The following ARFGAP1 variants were observed in gnomAD, a reference collection of about 807,000 sequenced individuals.
The protein encoded by ARFGAP1 is ADP-ribosylation factor GTPase-activating protein 1.
A neutral mutation model predicts 54.0 loss-of-function variants in ARFGAP1; 26 were observed. The ratio of observed to expected loss-of-function variants is 0.48; its 90% CI spans 0.35 to 0.67. The LOEUF is 0.67. Among genes scored for constraint, ARFGAP1 ranks in the 30% least tolerant of loss-of-function variants. The pLI, the probability that ARFGAP1 is intolerant of heterozygous loss-of-function variation, is 0.00. For missense variants in ARFGAP1, 525 were observed against 535.8 expected, an observed-to-expected ratio of 0.98 and a Z score of 0.20; for synonymous variants, 248 against 211.9, an observed-to-expected ratio of 1.17 and a Z score of -1.48.
chr20:63,280,449 T>C (rs4809519), intron 7 of ARFGAP1, among the ~76,000 whole-genome samples: 143,835 of 152,282 alleles, frequency 0.94, 68,447 homozygotes, highest in Non-Finnish European at 1. Flanking sequence ...TGAGCCACCA[T>C]GCCTGGCCAG....
In ARFGAP1 at chr20:63,277,151, G is replaced by A. The variant is rs529815011; in HGVS notation, c.343-54G>A. The stretch of plus-strand genomic sequence containing the variant: ...GGGTGCGCTGGAGTCGACGGTGCCC[G>A]AGGGCATCGCCAGGCGCCTTTATGC... On this transcript the variant is annotated intron_variant, in intron 4 of 12. Coordinates refer to ENST00000370283, the MANE Select transcript of ARFGAP1 (RefSeq NM_018209.4). 4.8e-4 allele frequency: 731 copies of A among 1,513,410 alleles called. 10 individuals are homozygous for A. The South Asian group carries it at 7.7e-3, about 16-fold the overall frequency. The allele number at this position is 1,513,410 out of a possible 1,614,324, so 93.7% of individuals were successfully genotyped here.
chr20:63,286,272 C>T (rs1601371097), intron 11 of ARFGAP1, 94 bp from the exon 12 acceptor site: 25 of 1,580,030 alleles, frequency 1.6e-5, no homozygotes, highest in Middle Eastern at 1.7e-4. Context: ...GTCTTCTCAG[C>T]GGGACGGCGC....
intron 5 of ARFGAP1, 104 bp downstream of exon 5, chr20:63,277,409 C>T: frequency 2.0e-6 from 2 of 1,009,494 alleles, no homozygotes; most frequent in Non-Finnish European, 2.7e-6. Context: ...TGTGACAGCT[C>T]TTTTCCCAGA....
chr20:63,274,874 C>T (rs1181986369), intron 1 of ARFGAP1, among the ~76,000 whole-genome samples: 2 of 152,228 alleles, frequency 1.3e-5, no homozygotes, highest in African/African-American at 2.4e-5. Context: ...TAGGTTTTCT[C>T]TTCACCCTAA....
intron 7 of ARFGAP1, among the ~76,000 whole-genome samples, chr20:63,280,073 C>T (rs2067340351): frequency 6.6e-6 from 1 of 151,980 alleles, no homozygotes; most frequent in South Asian, 2.1e-4. Flanking sequence ...ACCCGGGAGG[C>T]GGAGGTTGCA....
chr20:63,276,315 CCA>C lies in ARFGAP1; in HGVS notation c.170+116_170+117del. On this transcript the variant is annotated intron_variant, in intron 3 of 12. Coordinates refer to ENST00000370283, the MANE Select transcript of ARFGAP1 (RefSeq NM_018209.4). This position sits in a 1 kb window ranked among gnomAD's most constrained non-coding sequence, Gnocchi z 5.2. ...TTGGGGGCCACCTCCCATTGCATTG[CCA>C]GTGTCCACTCTAGTGACGCCATGGC... 7.2e-7 allele frequency: 1 copy of C among 1,381,238 alleles called. No individual in the cohort carries two copies. The highest frequency in any genetic ancestry group is 2.3e-5 in the East Asian group (1 of 42,778). The allele number at this position is 1,381,238 out of a possible 1,614,324, so 85.6% of individuals were successfully genotyped here.
intron 11 of ARFGAP1, chr20:63,286,161 G>T (rs866745380): frequency 6.5e-7 from 1 of 1,550,212 alleles, no homozygotes; most frequent in Non-Finnish European, 8.7e-7. Context: ...GGCTGTCCTC[G>T]CTGCCATGTC....
At position 63,286,429 on chromosome 20, in the gene ARFGAP1, G is replaced by T. The variant is rs750198567; in HGVS notation, c.898G>T (p.Gly300Cys). 6.2e-7 allele frequency: 1 copy of T among 1,613,332 alleles called. No homozygotes were observed. The highest frequency in any genetic ancestry group is 8.5e-7 in the Non-Finnish European group (1 of 1,179,982). The change falls in exon 12 of 13, where the codon GGC (glycine) becomes TGC (cysteine). Residue 300 changes from glycine (G) to cysteine (C), a missense_variant. Transcript: ENST00000370283. ...CACCTTTTTTTCGGGGAAAGCAGAG[G>T]GCCCCTTGGACAGGTATGCTGTGTC... ...VTTFFSGKAEGPLDSPSEGHS... is the reference protein window; with the variant it reads ...VTTFFSGKAECPLDSPSEGHS...
intron 12 of ARFGAP1, chr20:63,286,908 C>G (rs1204664874): frequency 5.7e-6 from 1 of 174,556 alleles, no homozygotes; most frequent in African/African-American, 2.4e-5. Flanking sequence ...GTCCTGGGCC[C>G]CATGTCCAGC....
At chr20:63,286,900 C>T (rs2067569840) in intron 12 of ARFGAP1, 1 of 178,644 alleles carries the variant, frequency 5.6e-6, no homozygotes, top group Non-Finnish European at 1.2e-5. Context: ...AGAGACCTGT[C>T]CTGGGCCCCA....
rs1163743421 is a variant in ARFGAP1 at position 63,286,389 on chromosome 20, A to G, written c.858A>G (p.Gly286=). The G allele has an allele frequency of 6.2e-6, 10 of 1,613,298 alleles. No individual in the cohort carries two copies. Among genetic ancestry groups the G allele is most frequent in the South Asian group, 1.1e-5 (1 of 91,082 alleles). The stretch of plus-strand genomic sequence containing the variant: ...AGGTCCAGGGAGTCGGTAGTAAGGG[A>G]TGGCGGGACGTCACCACCTTTTTTT... The part of the protein sequence containing the change: ...ASKVQGVGSK[G]WRDVTTFFSG... The change falls in exon 12 of 13, where the codon GGA becomes GGG. Residue 286 remains glycine (G), a synonymous_variant. Coordinates refer to ENST00000370283, the MANE Select transcript of ARFGAP1 (RefSeq NM_018209.4).
chr20:63,285,973 A>G (rs1459726010), intron 11 of ARFGAP1: 25 of 1,513,876 alleles, frequency 1.7e-5, no homozygotes, highest in Admixed American at 2.1e-5. Flanking sequence ...TTTCCTCGGT[A>G]AGTAAGTGCC....
chr20:63,288,048 T>C lies in ARFGAP1; in HGVS notation c.*175T>C. 1.3e-6 allele frequency: 1 copy of C among 759,704 alleles called. No individual in the cohort carries two copies. The allele number at this position is 759,704 out of a possible 1,614,324, so 47.1% of individuals were successfully genotyped here. A position where few individuals can be genotyped will look rare whatever the true frequency, so the allele number is the denominator to read the frequency against. ...GTGTGCGCCGCCTGCGCGTGGGGAGTCTTCGGTGCGTGGGGGCGGCTTGCT... is the reference window on the plus strand; with the variant it reads ...GTGTGCGCCGCCTGCGCGTGGGGAGCCTTCGGTGCGTGGGGGCGGCTTGCT... On this transcript the variant is annotated 3_prime_UTR_variant, in exon 13 of 13. Coordinates refer to ENST00000370283, the MANE Select transcript of ARFGAP1 (RefSeq NM_018209.4).
chr20:63,286,953 G>C (rs1273315257), intron 12 of ARFGAP1: 6 of 163,902 alleles, frequency 3.7e-5, no homozygotes, highest in African/African-American at 1.4e-4. Context: ...AGTCGCTTCT[G>C]CTGGAAGCTG....
At chr20:63,282,074 C>T (rs1199396801) in intron 8 of ARFGAP1, among the ~76,000 whole-genome samples, 2 of 151,924 alleles carry the variant, frequency 1.3e-5, no homozygotes, top group Non-Finnish European at 2.9e-5. Context: ...CCCCTGTGGT[C>T]ACTCTGGCCC....
Position 63,282,834 on chromosome 20 carries a change from T to C in ARFGAP1, c.700T>C (p.Ser234Pro). 6.2e-7 allele frequency: 1 copy of C among 1,614,052 alleles called. No individual in the cohort carries two copies. The change falls in exon 9 of 13, where the codon TCC (serine) becomes CCC (proline). Residue 234 changes from serine (S) to proline (P), a missense_variant. Physicochemically the swap from Ser to Pro is moderately conservative, Grantham distance 74. Around this residue, in one of 3 missense-constraint regions of ARFGAP1, gnomAD observed 466 missense variants for 453.6 expected, o/e 1.03. Transcript: ENST00000370283. ...TTCATTTTAGGCTACAAAGTTTGGA[T>C]CCCAAGCGAGTCAGAAGGTAACAGA... ...AAKEGATKFGSQASQKASELG... is the reference protein window; with the variant it reads ...AAKEGATKFGPQASQKASELG...
In ARFGAP1 at chr20:63,282,818, G is replaced by A. The variant is rs2067420804; in HGVS notation, c.685-1G>A. 1 of 1,614,058 alleles carries A rather than the reference G, an allele frequency of 6.2e-7. No homozygotes were observed. The highest frequency in any genetic ancestry group is 8.5e-7 in the Non-Finnish European group (1 of 1,179,990). Reference sequence around the variant, plus strand: ...AGCCTTGTCTTTGTTTTTCATTTTAGGCTACAAAGTTTGGATCCCAAGCGA... The same window carrying A: ...AGCCTTGTCTTTGTTTTTCATTTTAAGCTACAAAGTTTGGATCCCAAGCGA... On this transcript the variant is annotated splice_acceptor_variant, in intron 8 of 12. Transcript: ENST00000370283. LOFTEE classifies it high-confidence loss of function.
chr20:63,279,229 T>C (rs2067315639), intron 7 of ARFGAP1: 1 of 610,910 alleles, frequency 1.6e-6, no homozygotes, highest in Non-Finnish European at 3.0e-6. Flanking sequence ...GACGGAGTCT[T>C]GCTTTGTCGC....
At position 63,285,667 on chromosome 20, in the gene ARFGAP1, A is replaced by T. The variant is rs1189544898; in HGVS notation, c.788A>T (p.Lys263Met). ...KPAQEKVKEG[K>M]IFDDVSSGVS... The stretch of plus-strand genomic sequence containing the variant: ...TCATCCGTGCAGGTGAAGGAGGGAA[A>T]GATTTTTGATGATGTCTCCAGTGGG... The change falls in exon 11 of 13, where the codon AAG (lysine) becomes ATG (methionine). Residue 263 changes from lysine (K) to methionine (M), a missense_variant. This residue lies in a region of ARFGAP1 where 466 missense variants were observed against 453.6 expected (regional missense o/e 1.03). Coordinates refer to ENST00000370283, the MANE Select transcript of ARFGAP1 (RefSeq NM_018209.4). 1 of 1,613,684 alleles carries T rather than the reference A, an allele frequency of 6.2e-7. No individual in the cohort carries two copies. The highest frequency in any genetic ancestry group is 1.7e-5 in the Admixed American group (1 of 60,028).
Sources: allele counts gnomAD v4.1 joint callset (sites outside exome capture counted in the v4.1 genomes callset), GRCh38; gene constraint gnomAD v4.1.1; regional missense constraint gnomAD v4.1.1; non-coding constraint Gnocchi (gnomAD v3.1); transcripts MANE v1.5; gene names NCBI Gene and HGNC (gene_info 2026-07-23, HGNC 2026-07-21).